KPNA3: variants seen among roughly 807,000 people sequenced by gnomAD.
KPNA3 encodes importin subunit alpha-4.
Under a neutral mutation model 73.8 loss-of-function variants are expected in KPNA3, and 13 were observed. That is an observed-to-expected ratio of 0.18 (90% confidence interval 0.11 to 0.28). The LOEUF (loss-of-function observed/expected upper bound fraction) is 0.28, where lower values mean the gene tolerates loss of function less well. Among genes scored for constraint, KPNA3 ranks in the 10% least tolerant of loss-of-function variants. KPNA3 has a pLI of 1.00. For missense variants in KPNA3, 360 were observed against 618.1 expected, an observed-to-expected ratio of 0.58 and a Z score of 4.43; for synonymous variants, 186 against 206.9, an observed-to-expected ratio of 0.90 and a Z score of 0.87.
intron 12 of KPNA3, among the ~76,000 whole-genome samples, chr13:49,706,870 TC>T (rs1305109292): frequency 6.6e-6 from 1 of 152,014 alleles, no homozygotes; most frequent in Admixed American, 6.6e-5. Flanking sequence ...TGCCTCAGTC[TC>T]CCGAGTAGCT....
chr13:49,746,924 T>C, intron 2 of KPNA3, 25 bp downstream of exon 2: 1 of 1,562,194 alleles, frequency 6.4e-7, no homozygotes, highest in Non-Finnish European at 8.8e-7. Context: ...CTAATTACTT[T>C]TCTTTAAATG....
intron 1 of KPNA3, among the ~76,000 whole-genome samples, chr13:49,764,088 G>C (rs1271154684): frequency 7.7e-6 from 1 of 129,628 alleles, no homozygotes; most frequent in Non-Finnish European, 1.6e-5. Context: ...AAAAAAAAAA[G>C]AGTCAGTTTG....
intron 7 of KPNA3, among the ~76,000 whole-genome samples, chr13:49,724,428 C>T (rs1220943943): frequency 2.6e-5 from 4 of 151,888 alleles, no homozygotes; most frequent in African/African-American, 9.7e-5. Context: ...CTCAGCCTCC[C>T]AAGCAGCTGG....
intron 6 of KPNA3, among the ~76,000 whole-genome samples, chr13:49,728,261 G>A (rs1032172352): frequency 3.3e-5 from 5 of 150,670 alleles, no homozygotes; most frequent in African/African-American, 4.9e-5. Flanking sequence ...AGGACAAGTC[G>A]ATGTTGAAGA....
chr13:49,718,831 T>C (rs1954328919), intron 10 of KPNA3, among the ~76,000 whole-genome samples: 2 of 152,184 alleles, frequency 1.3e-5, no homozygotes, highest in African/African-American at 4.8e-5. Context: ...TGTGATACAA[T>C]TTTTATATAC....
Position 49,732,811 on chromosome 13 carries a change from T to A in KPNA3, c.205-35A>T, listed in dbSNP as rs778058647. On this transcript the variant is annotated intron_variant, in intron 3 of 16. Transcript: ENST00000261667. ...AAAAAAAAAATAGTTCAGCAGAGTT[T>A]ATTAACAAAATTACATTCATTAAAC... 7 of 1,500,640 alleles carry A rather than the reference T, an allele frequency of 4.7e-6. No homozygotes were observed. The South Asian group carries it at 8.4e-5, about 18-fold the overall frequency. The allele number at this position is 1,500,640 out of a possible 1,614,324, so 93.0% of individuals were successfully genotyped here.
chr13:49,745,065 T>A (rs1954604737), intron 2 of KPNA3, among the ~76,000 whole-genome samples: 2 of 152,180 alleles, frequency 1.3e-5, no homozygotes, highest in Non-Finnish European at 2.9e-5. Context: ...TATGTGATTA[T>A]TTATCTAGTG....
At position 49,722,428 on chromosome 13, in the gene KPNA3, GAAAAAAGTT is replaced by G. The variant is rs763558553; in HGVS notation, c.556+40_556+48del. 4 of 1,307,020 alleles carry G rather than the reference GAAAAAAGTT, an allele frequency of 3.1e-6. No individual in the cohort carries two copies. In the African/African-American group the frequency reaches 4.4e-5, roughly 14 times the overall value. The allele number at this position is 1,307,020 out of a possible 1,614,324, so 81.0% of individuals were successfully genotyped here. Reference sequence around the variant, plus strand: ...GTATGTAATGGCTATGCCAATGTAGGAAAAAAGTTAATTTAGATTCTTAAGAGGATTCCT... The same window carrying G: ...GTATGTAATGGCTATGCCAATGTAGGAATTTAGATTCTTAAGAGGATTCCT... On this transcript the variant is annotated intron_variant, in intron 8 of 16. Transcript: ENST00000261667.
At chr13:49,777,729 T>C (rs948889275) in intron 1 of KPNA3, among the ~76,000 whole-genome samples, 3 of 151,686 alleles carry the variant, frequency 2.0e-5, no homozygotes, top group Non-Finnish European at 2.9e-5. Context: ...CAGGCTGGTC[T>C]AGAACTCCTG....
At chr13:49,713,297 A>AAC (rs35263412) in intron 10 of KPNA3, among the ~76,000 whole-genome samples, 15,967 of 148,548 alleles carry the variant, frequency 0.11, 1,727 homozygotes, top group East Asian at 0.57. Flanking sequence ...GCAGAGAATA[A>AAC]ACACACACAC....
chr13:49,769,254 G>A (rs553962162), intron 1 of KPNA3, among the ~76,000 whole-genome samples: 16 of 152,194 alleles, frequency 1.1e-4, no homozygotes, highest in Non-Finnish European at 2.1e-4. Flanking sequence ...CTACTATTAG[G>A]TGTATTTTTC....
At chr13:49,788,569 A>G (rs775001647) in intron 1 of KPNA3, among the ~76,000 whole-genome samples, 21 of 152,084 alleles carry the variant, frequency 1.4e-4, no homozygotes, top group Middle Eastern at 3.4e-3. Flanking sequence ...AAACACAAAA[A>G]TTAGCCAGGT....
chr13:49,716,657 T>C (rs951327446), intron 10 of KPNA3, among the ~76,000 whole-genome samples: 3 of 152,092 alleles, frequency 2.0e-5, no homozygotes, highest in African/African-American at 7.2e-5. Flanking sequence ...CAGGCTGGTC[T>C]CAACTCCTGA....
At chr13:49,766,803 C>T (rs564787741) in intron 1 of KPNA3, among the ~76,000 whole-genome samples, 328 of 152,128 alleles carry the variant, frequency 2.2e-3, no homozygotes, top group African/African-American at 7.4e-3. Context: ...AAAATTAAAG[C>T]TTGTTTTACC....
chr13:49,730,776 CT>C (rs200664565), intron 6 of KPNA3, among the ~76,000 whole-genome samples: 3 of 118,708 alleles, frequency 2.5e-5, no homozygotes, highest in Admixed American at 8.7e-5. Flanking sequence ...CCCCTCCCCC[CT>C]ATTTATTCAT....
Position 49,774,066 on chromosome 13 carries a change from C to A in KPNA3, c.69+18372G>T, listed in dbSNP as rs567336727. On this transcript the variant is annotated intron_variant, in intron 1 of 16. Transcript: ENST00000261667. ...GACCACAGGTGTGTGCCACTAAACC[C>A]AGGCTAATTTTTTTTTTTTTAAGGG... is the stretch of plus-strand genomic sequence containing the variant. Among the ~76,000 whole-genome samples the A allele has an allele frequency of 8.0e-5, 12 of 149,370 alleles. 1 individual carries two copies. The South Asian group carries it at 1.8e-3, about 22-fold the overall frequency.
At chr13:49,760,752 T>C (rs1300536583) in intron 1 of KPNA3, among the ~76,000 whole-genome samples, 1 of 152,148 alleles carries the variant, frequency 6.6e-6, no homozygotes, top group Non-Finnish European at 1.5e-5. Flanking sequence ...GCTGTCCCAG[T>C]GCCTGTGAGG....
intron 1 of KPNA3, 125 bp from the exon 2 acceptor site, chr13:49,747,118 G>C (rs1322626465): frequency 1.9e-5 from 11 of 589,986 alleles, no homozygotes; most frequent in Non-Finnish European, 1.5e-5. Flanking sequence ...GAGGCGGGCA[G>C]ATCACTTGAG....
At chr13:49,787,761 G>A (rs1232882614) in intron 1 of KPNA3, among the ~76,000 whole-genome samples, 1 of 149,148 alleles carries the variant, frequency 6.7e-6, no homozygotes, top group Admixed American at 6.7e-5. Context: ...CTCACTGCAA[G>A]CTCCGCCTCC....
Sources: gnomAD v4.1 joint callset for allele counts (sites outside exome capture counted in the v4.1 genomes callset) on GRCh38, gnomAD v4.1.1 for gene constraint, MANE v1.5 for transcripts, NCBI Gene and HGNC (gene_info 2026-07-23, HGNC 2026-07-21) for gene names.